The following TANC2 variants were observed in gnomAD, a reference collection of about 807,000 sequenced individuals.
TANC2 encodes the protein tetratricopeptide repeat, ankyrin repeat and coiled-coil containing 2.
TANC2 carries 26 observed loss-of-function variants against 210.5 expected under a neutral mutation model. That is an observed-to-expected ratio of 0.12 (90% CI 0.09 to 0.17). The LOEUF (loss-of-function observed/expected upper bound fraction) is 0.17, where lower values mean the gene tolerates loss of function less well. TANC2 is among the 10% of genes least tolerant of loss of function. TANC2 has a pLI of 1.00. For missense variants in TANC2, 2,129 were observed against 2,608.9 expected (o/e 0.82, Z 4.01); for synonymous variants, 931 against 967.1 (o/e 0.96, Z 0.69).
chr17:63,196,946 T>G lies in TANC2; in HGVS notation c.582+2807T>G, dbSNP rs192148073. Among the ~76,000 whole-genome samples, 97 of 152,316 alleles carry G rather than the reference T, an allele frequency of 6.4e-4. 1 individual carries two copies. The East Asian group carries it at 0.018, about 28-fold the overall frequency. Reference sequence around the variant, plus strand: ...TATTCATATCCAGGCAGTCTGCTTTTATAATCTATGCTCTTAACAGCCACA... The same window carrying G: ...TATTCATATCCAGGCAGTCTGCTTTGATAATCTATGCTCTTAACAGCCACA... On this transcript the variant is annotated intron_variant, in intron 6 of 27. Transcript: ENST00000689528.
At chr17:63,342,546 G>A (rs1437253007) in intron 12 of TANC2, among the ~76,000 whole-genome samples, 1 of 152,176 alleles carries the variant, frequency 6.6e-6, no homozygotes, top group African/African-American at 2.4e-5. Flanking sequence ...GGAGGCCGAG[G>A]CAGGTGGATC....
intron 4 of TANC2, among the ~76,000 whole-genome samples, chr17:63,101,607 G>A (rs891915928): frequency 2.6e-5 from 4 of 152,184 alleles, no homozygotes; most frequent in African/African-American, 9.7e-5. Context: ...CTCTAGATAT[G>A]ATAGAGTGGT....
At chr17:63,030,367 C>T (rs1013274772) in intron 2 of TANC2, among the ~76,000 whole-genome samples, 23 of 152,028 alleles carry the variant, frequency 1.5e-4, no homozygotes, top group African/African-American at 5.1e-4. Flanking sequence ...AATTCTGAAG[C>T]TCAACAGCAT....
intron 2 of TANC2, among the ~76,000 whole-genome samples, chr17:63,051,005 TCTTTA>T (rs1161958965): frequency 2.0e-5 from 3 of 152,210 alleles, no homozygotes; most frequent in Non-Finnish European, 2.9e-5. Flanking sequence ...GGCAGTGATC[TCTTTA>T]CTTTTAGGCC....
chr17:63,423,163 TTC>T (rs1265572766), exon 28 of TANC2: 1 of 152,222 alleles, frequency 6.6e-6, no homozygotes, highest in Non-Finnish European at 1.5e-5. Context: ...CAGGAACTGT[TTC>T]TTTTCTTTTT....
intron 9 of TANC2, among the ~76,000 whole-genome samples, chr17:63,285,167 T>A (rs2044183107): frequency 6.6e-6 from 1 of 152,184 alleles, no homozygotes; most frequent in Admixed American, 6.5e-5. Context: ...TGGGTCTTGC[T>A]TTTTTATCCA....
intron 4 of TANC2, among the ~76,000 whole-genome samples, chr17:63,127,576 A>T (rs1248870911): frequency 6.6e-6 from 1 of 152,228 alleles, no homozygotes; most frequent in East Asian, 1.9e-4. Context: ...TGATTTCTTT[A>T]TGAAAATCTA....
chr17:63,316,134 G>A (rs2045305877), intron 10 of TANC2, among the ~76,000 whole-genome samples: 5 of 152,176 alleles, frequency 3.3e-5, no homozygotes, highest in Admixed American at 3.3e-4. Flanking sequence ...AATTGTCTCT[G>A]CTAAAATTTT....
At chr17:63,408,691 A>G (rs879875787) in intron 21 of TANC2, among the ~76,000 whole-genome samples, 9 of 152,244 alleles carry the variant, frequency 5.9e-5, no homozygotes, top group Non-Finnish European at 1.2e-4. Context: ...GTGGGAAACC[A>G]TAGACTCTAA....
chr17:63,208,757 T>G (rs2145853500), intron 7 of TANC2, among the ~76,000 whole-genome samples: 1 of 152,258 alleles, frequency 6.6e-6, no homozygotes, highest in East Asian at 1.9e-4. Flanking sequence ...TTTTCCTAGA[T>G]GCTTTATATT....
At chr17:63,254,732 T>C (rs747637176) in intron 8 of TANC2, among the ~76,000 whole-genome samples, 3 of 152,226 alleles carry the variant, frequency 2.0e-5, no homozygotes, top group Non-Finnish European at 4.4e-5. Flanking sequence ...ATTGAAATGA[T>C]TGTATTATTT....
chr17:63,262,840 C>T (rs1246141566), intron 8 of TANC2, among the ~76,000 whole-genome samples: 12 of 152,054 alleles, frequency 7.9e-5, no homozygotes, highest in Admixed American at 3.9e-4. Context: ...ATGGTTTTGT[C>T]GTTGTCCCTA....
chr17:63,207,050 A>G (rs1026129476), intron 7 of TANC2, among the ~76,000 whole-genome samples: 3 of 151,932 alleles, frequency 2.0e-5, no homozygotes, highest in Admixed American at 1.3e-4. Context: ...TTCTCTATTC[A>G]TACCCTACCC....
chr17:63,151,767 G>C (rs891429238), intron 5 of TANC2: 2 of 152,128 alleles, frequency 1.3e-5, no homozygotes, highest in African/African-American at 4.8e-5. Flanking sequence ...AGTGTTCTAT[G>C]CAACACTTTT....
intron 1 of TANC2, among the ~76,000 whole-genome samples, chr17:62,991,906 A>G (rs1284124930): frequency 6.6e-6 from 1 of 151,858 alleles, no homozygotes; most frequent in African/African-American, 2.4e-5. Context: ...GGTGGAGGGG[A>G]GTTTTACGCA....
At chr17:62,993,095 T>C (rs531108055) in intron 1 of TANC2, among the ~76,000 whole-genome samples, 1 of 152,334 alleles carries the variant, frequency 6.6e-6, no homozygotes, top group East Asian at 1.9e-4. Flanking sequence ...TTTCCATTTT[T>C]TAATGACATT....
intron 3 of TANC2, among the ~76,000 whole-genome samples, chr17:63,097,937 A>G (rs1303886492): frequency 6.6e-6 from 1 of 152,086 alleles, no homozygotes; most frequent in Non-Finnish European, 1.5e-5. Flanking sequence ...TTGATGTCTA[A>G]TCTACATTTA....
chr17:63,221,747 C>G (rs765487923), intron 7 of TANC2, among the ~76,000 whole-genome samples: 11 of 152,094 alleles, frequency 7.2e-5, no homozygotes, highest in Non-Finnish European at 1.6e-4. Context: ...AACTCAATAC[C>G]AAAGATTGGC....
chr17:63,259,175 A>G (rs534014382), intron 8 of TANC2, among the ~76,000 whole-genome samples: 13 of 152,044 alleles, frequency 8.6e-5, no homozygotes, highest in African/African-American at 2.9e-4. Context: ...GCCCTATTCT[A>G]CTGTGGCTAA....
Sources: allele counts gnomAD v4.1 joint callset (sites outside exome capture counted in the v4.1 genomes callset), GRCh38; gene constraint gnomAD v4.1.1; transcripts MANE v1.5; gene names NCBI Gene and HGNC (gene_info 2026-07-23, HGNC 2026-07-21).